Variants in PBX1 observed in about 807,000 individuals in gnomAD.
PBX1 encodes pre-B-cell leukemia transcription factor 1.
In PBX1, 6 loss-of-function variants were observed where a neutral mutation model predicts 53.4. The ratio of observed to expected loss-of-function variants is 0.11; its 90% CI spans 0.06 to 0.22. The LOEUF (loss-of-function observed/expected upper bound fraction) is 0.22. Ranked by LOEUF, PBX1 falls within the 10% of genes least tolerant of loss-of-function variation. The probability of loss-of-function intolerance (pLI) is 1.00; values close to 1 mark genes in which losing one functional copy is unlikely to be tolerated. For missense variants in PBX1, 251 were observed against 551.4 expected, an observed-to-expected ratio of 0.46 and a Z score of 5.46; for synonymous variants, 204 against 212.3, an observed-to-expected ratio of 0.96 and a Z score of 0.34.
intron 5 of PBX1, 147 bp downstream of exon 5, chr1:164,807,824 G>A (rs985830316): frequency 2.0e-5 from 18 of 882,678 alleles, no homozygotes; most frequent in South Asian, 4.1e-5. Flanking sequence ...AGCACTTGAT[G>A]TGTATGCGTA....
chr1:164,792,356 C>T lies in PBX1; in HGVS notation c.266-138C>T, dbSNP rs929320270. 2.8e-6 allele frequency: 4 copies of T among 1,426,238 alleles called. No homozygotes were observed. The African/African-American group carries it at 4.3e-5, about 15-fold the overall frequency. 88.3% of individuals were successfully genotyped at this position (1,426,238 alleles called of 1,614,324 possible). ...CACCCTCTCAGTTTCTCTCTTTTTCCAGCCTTTCTTCTATTCCTCAAATGG... is the reference window on the plus strand; with the variant it reads ...CACCCTCTCAGTTTCTCTCTTTTTCTAGCCTTTCTTCTATTCCTCAAATGG... On this transcript the variant is annotated intron_variant, in intron 2 of 8. Coordinates refer to ENST00000420696, the MANE Select transcript of PBX1 (RefSeq NM_002585.4).
intron 2 of PBX1, among the ~76,000 whole-genome samples, chr1:164,693,236 G>A (rs905845707): frequency 3.9e-5 from 6 of 152,200 alleles, no homozygotes; most frequent in Non-Finnish European, 7.3e-5. Flanking sequence ...GTTCATGCTC[G>A]CTGTTGCAGA....
chr1:164,831,652 G>A (rs767587736), intron 8 of PBX1, among the ~76,000 whole-genome samples: 107 of 152,212 alleles, frequency 7.0e-4, no homozygotes, highest in Non-Finnish European at 1.3e-3. Flanking sequence ...GCCTCCCAAA[G>A]TGCTGAGTCT....
intron 2 of PBX1, among the ~76,000 whole-genome samples, chr1:164,868,201 A>G (rs1672264486): frequency 6.6e-6 from 1 of 152,200 alleles, no homozygotes; most frequent in Admixed American, 6.5e-5. Flanking sequence ...AGCCACAGCC[A>G]GAGGTGACTT....
At chr1:164,861,201 G>A (rs1360321340) in intron 2 of PBX1, among the ~76,000 whole-genome samples, 1 of 152,084 alleles carries the variant, frequency 6.6e-6, no homozygotes, top group Non-Finnish European at 1.5e-5. Context: ...TCAGGATCTC[G>A]GTAGTTAGAA....
intron 2 of PBX1, among the ~76,000 whole-genome samples, chr1:164,879,891 C>CA (rs1054714565): frequency 1.5e-4 from 23 of 152,098 alleles, no homozygotes; most frequent in Admixed American, 1.4e-3. Context: ...TAAAAAAACA[C>CA]AAAAGCCTAC....
intron 2 of PBX1, among the ~76,000 whole-genome samples, chr1:164,697,518 T>G (rs1662863867): frequency 6.6e-6 from 1 of 152,244 alleles, no homozygotes; most frequent in African/African-American, 2.4e-5. Context: ...CACTAAATTA[T>G]AAACTTTTAA....
intron 2 of PBX1, among the ~76,000 whole-genome samples, chr1:164,695,446 G>A (rs555306833): frequency 6.6e-6 from 1 of 152,222 alleles, no homozygotes; most frequent in Admixed American, 6.5e-5. Context: ...TACCTTTGAA[G>A]ATTGTCTCCT....
chr1:164,815,937 C>G (rs898850781), intron 6 of PBX1: 3 of 152,156 alleles, frequency 2.0e-5, no homozygotes, highest in Non-Finnish European at 4.4e-5. Flanking sequence ...AACTCAGAGC[C>G]TTCATGCCCT....
At chr1:164,884,401 T>A in intron 2 of PBX1, 1 of 258,974 alleles carries the variant, frequency 3.9e-6, no homozygotes. Context: ...AGCTGCTCAT[T>A]GAGATCTTGC....
At chr1:164,831,058 A>T (rs1164457510) in intron 8 of PBX1, among the ~76,000 whole-genome samples, 1 of 152,194 alleles carries the variant, frequency 6.6e-6, no homozygotes, top group Non-Finnish European at 1.5e-5. Context: ...TATTTAAAAA[A>T]TTTTCAAACA....
intron 2 of PBX1, among the ~76,000 whole-genome samples, chr1:164,758,305 A>T (rs1666631791): frequency 6.6e-6 from 1 of 152,204 alleles, no homozygotes; most frequent in South Asian, 2.1e-4. Flanking sequence ...TTGCTTAAAT[A>T]TATCAGTGCA....
rs1395808691 is a variant in PBX1 at position 164,850,091 on chromosome 1, A to G, written c.*3415A>G. On this transcript the variant is annotated 3_prime_UTR_variant, in exon 9 of 9. Coordinates refer to ENST00000420696, the MANE Select transcript of PBX1 (RefSeq NM_002585.4). Reference sequence around the variant, plus strand: ...CTGAATTTAATAGTGTTTATAATAAAAATTTTAAAAATGACCCTCATAGCA... The same window carrying G: ...CTGAATTTAATAGTGTTTATAATAAGAATTTTAAAAATGACCCTCATAGCA... The G allele has an allele frequency of 4.4e-5, 10 of 227,606 alleles. No individual in the cohort carries two copies. Among genetic ancestry groups the G allele is most frequent in the Non-Finnish European group, 7.0e-5 (8 of 114,692 alleles). 14.1% of individuals were successfully genotyped at this position (227,606 alleles called of 1,614,324 possible).
intron 6 of PBX1, chr1:164,814,962 A>G (rs1404432269): frequency 6.6e-6 from 1 of 152,142 alleles, no homozygotes; most frequent in African/African-American, 2.4e-5. Context: ...ATTTAGAGAC[A>G]TTTAGCATGC....
chr1:164,876,007 C>CATATATATATATATATATATATAT (rs1318941950), intron 2 of PBX1, among the ~76,000 whole-genome samples: 1 of 113,686 alleles, frequency 8.8e-6, no homozygotes, highest in Non-Finnish European at 1.9e-5. Context: ...TATATATATA[C>CATATATATATATATATATATATAT]ACACATACAC....
intron 8 of PBX1, chr1:164,829,287 A>G (rs1670634080): frequency 6.6e-6 from 1 of 152,210 alleles, no homozygotes; most frequent in Non-Finnish European, 1.5e-5. Context: ...ACTCCTATCA[A>G]CTATAAATAT....
intron 8 of PBX1, among the ~76,000 whole-genome samples, chr1:164,846,230 C>G (rs12048214): frequency 6.6e-6 from 1 of 151,882 alleles, no homozygotes; most frequent in African/African-American, 2.4e-5. Context: ...GCTTTACCAT[C>G]GACATTAGCT....
chr1:164,693,705 C>T (rs762463623), intron 2 of PBX1, among the ~76,000 whole-genome samples: 14 of 152,136 alleles, frequency 9.2e-5, no homozygotes, highest in Non-Finnish European at 1.9e-4. Context: ...CTTTTGCTCT[C>T]CAGGTCCAGT....
chr1:164,801,546 A>G (rs1669074133), intron 4 of PBX1, among the ~76,000 whole-genome samples: 2 of 151,894 alleles, frequency 1.3e-5, no homozygotes, highest in South Asian at 4.2e-4. Flanking sequence ...GTCTCATTGG[A>G]TATCTTCTCT....
Sources: gnomAD v4.1 joint callset for allele counts (sites outside exome capture counted in the v4.1 genomes callset) on GRCh38, gnomAD v4.1.1 for gene constraint, MANE v1.5 for transcripts, NCBI Gene and HGNC (gene_info 2026-07-23, HGNC 2026-07-21) for gene names.